CELF2: variants seen among roughly 807,000 people sequenced by gnomAD.
CELF2 encodes CUGBP Elav-like family member 2.
CELF2 carries 8 observed loss-of-function variants against 62.6 expected under a neutral mutation model. The observed-to-expected ratio is 0.13, with a 90% CI of 0.07 to 0.23. The LOEUF (loss-of-function observed/expected upper bound fraction) is 0.23, where lower values mean the gene tolerates loss of function less well. Among genes scored for constraint, CELF2 ranks in the 10% least tolerant of loss-of-function variants. The pLI is 1.00. For synonymous variants in CELF2, 258 were observed against 250.0 expected, an observed-to-expected ratio of 1.03 and a Z score of -0.30; for missense variants, 333 against 671.0, an observed-to-expected ratio of 0.50 and a Z score of 5.56.
At chr10:10,977,242 T>C (rs1250806340) in intron 2 of CELF2, among the ~76,000 whole-genome samples, 1 of 152,204 alleles carries the variant, frequency 6.6e-6, no homozygotes, top group East Asian at 1.9e-4. Flanking sequence ...TGCAAGTCAT[T>C]TTGTTATTCC....
chr10:10,829,776 C>T (rs1482025228), intron 1 of CELF2, among the ~76,000 whole-genome samples: 2 of 152,178 alleles, frequency 1.3e-5, no homozygotes, highest in Non-Finnish European at 2.9e-5. Context: ...GACTGGGACA[C>T]ACACAGTGGC....
chr10:10,988,164 G>A (rs575678480), intron 2 of CELF2, among the ~76,000 whole-genome samples: 21 of 151,984 alleles, frequency 1.4e-4, no homozygotes, highest in South Asian at 2.1e-4. Flanking sequence ...AGCACAATTC[G>A]CAATTGCCAA....
At chr10:10,823,586 A>C (rs1279216726) in intron 1 of CELF2, among the ~76,000 whole-genome samples, 2 of 152,212 alleles carry the variant, frequency 1.3e-5, no homozygotes, top group Non-Finnish European at 2.9e-5. Flanking sequence ...TTATGCACAA[A>C]AAAAAATAGA....
intron 1 of CELF2, among the ~76,000 whole-genome samples, chr10:11,041,941 A>T (rs1485695667): frequency 6.6e-6 from 1 of 152,242 alleles, no homozygotes; most frequent in Non-Finnish European, 1.5e-5. Context: ...ATTGTCATGT[A>T]TGTGAATTGT....
chr10:10,909,650 T>C (rs2063638459), intron 1 of CELF2, among the ~76,000 whole-genome samples: 1 of 152,212 alleles, frequency 6.6e-6, no homozygotes, highest in South Asian at 2.1e-4. Flanking sequence ...TTATCTGCTT[T>C]CTCAGTCACA....
chr10:11,025,229 G>GTATATATA (rs1197369642), intron 1 of CELF2, among the ~76,000 whole-genome samples: 1 of 49,092 alleles, frequency 2.0e-5, no homozygotes, highest in East Asian at 1.5e-3. Flanking sequence ...GTGTGTGTGT[G>GTATATATA]TGTGTGTGTG....
chr10:11,221,187 G>C lies in CELF2; in HGVS notation c.354+3680G>C, dbSNP rs190337305. Among the ~76,000 whole-genome samples, 589 of 152,310 alleles carry C rather than the reference G, an allele frequency of 3.9e-3. 9 individuals are homozygous for C. The highest frequency in any genetic ancestry group is 6.8e-3 in the Middle Eastern group (2 of 294). ...TTTTCCTACTGCTGGGCCATTTATG[G>C]TTTTGGACTAATTTTGGTTGCACCT... is the stretch of plus-strand genomic sequence containing the variant. On this transcript the variant is annotated intron_variant, in intron 3 of 12. Transcript: ENST00000633077.
In CELF2 at chr10:10,940,002, G is replaced by A. The variant is rs142910029; in HGVS notation, c.89+20003G>A. Among the ~76,000 whole-genome samples the A allele has an allele frequency of 9.5e-4, 144 of 152,234 alleles. 2 individuals carry two copies. The highest frequency in any genetic ancestry group is 2.1e-3 in the South Asian group (10 of 4,816). ...CAGTATTGGCAACATGTCAGGCAGC[G>A]TCCATAGACAGATCAATGATTAGAG... On this transcript the variant is annotated intron_variant, in intron 2 of 13. Coordinates refer to the CELF2 transcript ENST00000636488.
chr10:10,593,525 C>A, the CELF2 span, among the ~76,000 whole-genome samples: 2 of 152,280 alleles, frequency 1.3e-5, no homozygotes, highest in Admixed American at 6.5e-5. Flanking sequence ...CATAGCAAGT[C>A]ACCGGCCAAG....
intron 1 of CELF2, among the ~76,000 whole-genome samples, chr10:10,911,958 G>A (rs1373193381): frequency 6.6e-6 from 1 of 152,206 alleles, no homozygotes; most frequent in Non-Finnish European, 1.5e-5. Flanking sequence ...GTGATGTGGT[G>A]AGTTTATTTA....
chr10:11,110,947 G>A lies in CELF2; in HGVS notation c.75-54539G>A, dbSNP rs1226189934. Among the ~76,000 whole-genome samples, 12 of 152,206 alleles carry A rather than the reference G, an allele frequency of 7.9e-5. No individual in the cohort carries two copies. The South Asian group carries it at 1.7e-3, about 21-fold the overall frequency. On this transcript the variant is annotated intron_variant, in intron 1 of 12. Coordinates refer to ENST00000633077, the MANE Select transcript of CELF2 (RefSeq NM_001326342.2). This position sits in a 1 kb window ranked among gnomAD's most constrained non-coding sequence, Gnocchi z 4.0. ...TCTTTCAAAACTGGAATTACAGAAC[G>A]TCCAGCAAGGCCCTTTTGGGAGAAG...
chr10:10,904,237 T>G (rs1368740241), intron 1 of CELF2, among the ~76,000 whole-genome samples: 5 of 144,902 alleles, frequency 3.5e-5, no homozygotes, highest in African/African-American at 1.3e-4. Flanking sequence ...AATTTTTTTT[T>G]TTGTTTAGAG....
At position 11,335,257 on chromosome 10, in the gene CELF2, C is replaced by T. The variant is rs949816322; in HGVS notation, c.*6204C>T. 1 of 152,356 alleles carries T rather than the reference C, an allele frequency of 6.6e-6. No individual in the cohort carries two copies. The highest frequency in any genetic ancestry group is 2.4e-5 in the African/African-American group (1 of 41,458). 9.4% of individuals were successfully genotyped at this position (152,356 alleles called of 1,614,324 possible). On this transcript the variant is annotated 3_prime_UTR_variant, in exon 13 of 13. Coordinates refer to ENST00000633077, the MANE Select transcript of CELF2 (RefSeq NM_001326342.2). The surrounding 1 kb of genome is among the most constrained non-coding windows in gnomAD (Gnocchi z 5.0). ...CCGCAGGCCCTGTTCTGCCTCTGCT[C>T]AGGAATCTGATTGCTCTTAAAGTGC...
At chr10:11,295,666 T>C (rs1236968792) in intron 9 of CELF2, among the ~76,000 whole-genome samples, 1 of 152,246 alleles carries the variant, frequency 6.6e-6, no homozygotes, top group African/African-American at 2.4e-5. Context: ...CGGGCTGCTC[T>C]GTGGCTTCTC....
the CELF2 span, among the ~76,000 whole-genome samples, chr10:10,550,877 T>C: frequency 6.6e-6 from 1 of 152,068 alleles, no homozygotes; most frequent in Admixed American, 6.6e-5. Flanking sequence ...TTTGTATTTT[T>C]AGTAGAGATG....
chr10:11,181,271 G>C (rs984346792), intron 2 of CELF2, among the ~76,000 whole-genome samples: 2 of 152,070 alleles, frequency 1.3e-5, no homozygotes, highest in Non-Finnish European at 2.9e-5. Context: ...CGTGGAGCTG[G>C]GCACATCTCT....
chr10:11,053,576 G>T (rs1461013042), intron 1 of CELF2, among the ~76,000 whole-genome samples: 1 of 145,992 alleles, frequency 6.8e-6, no homozygotes, highest in African/African-American at 2.5e-5. Context: ...TAAAAAAAAA[G>T]ACTATTTGGG....
intron 2 of CELF2, among the ~76,000 whole-genome samples, chr10:11,176,259 AG>A (rs2071073711): frequency 6.6e-6 from 1 of 152,114 alleles, no homozygotes; most frequent in African/African-American, 2.4e-5. Context: ...TTCACTGATG[AG>A]CCTTTCTGAG....
chr10:11,323,497 G>A (rs774300959), intron 11 of CELF2, among the ~76,000 whole-genome samples: 2 of 151,624 alleles, frequency 1.3e-5, no homozygotes, highest in Admixed American at 6.6e-5. Context: ...AGTTCAGTCC[G>A]AGGTTGCGAG....
Sources: gnomAD v4.1 joint callset for allele counts (sites outside exome capture counted in the v4.1 genomes callset) on GRCh38, gnomAD v4.1.1 for gene constraint, Gnocchi (gnomAD v3.1) non-coding constraint, MANE v1.5 for transcripts, NCBI Gene and HGNC (gene_info 2026-07-23, HGNC 2026-07-21) for gene names.